Variants in MRTFA observed in about 807,000 individuals in gnomAD.
The protein encoded by MRTFA is myocardin related transcription factor A, also known as myocardin-related transcription factor A.
MRTFA carries 20 observed loss-of-function variants against 83.5 expected under a neutral mutation model. The observed-to-expected ratio is 0.24, with a 90% CI of 0.17 to 0.35. The LOEUF is 0.35. MRTFA is among the 10% of genes least tolerant of loss of function. The pLI is 1.00. For synonymous variants in MRTFA, 659 were observed against 541.2 expected, an observed-to-expected ratio of 1.22 and a Z score of -3.02; for missense variants, 1,200 against 1,224.7, an observed-to-expected ratio of 0.98 and a Z score of 0.30.
chr22:40,521,403 T>G (rs1371521804), intron 3 of MRTFA, among the ~76,000 whole-genome samples: 2 of 152,182 alleles, frequency 1.3e-5, no homozygotes, highest in African/African-American at 2.4e-5. Context: ...CTCAGAGTAA[T>G]TCTCAAGAGT....
intron 3 of MRTFA, among the ~76,000 whole-genome samples, chr22:40,496,687 AG>A (rs2054360892): frequency 6.8e-6 from 1 of 146,676 alleles, no homozygotes; most frequent in East Asian, 2.1e-4. Flanking sequence ...ATATATGCAC[AG>A]GAGAGAGTAG....
chr22:40,571,020 T>C (rs1367777221), intron 2 of MRTFA, among the ~76,000 whole-genome samples: 1 of 88,368 alleles, frequency 1.1e-5, no homozygotes, highest in African/African-American at 4.5e-5. Context: ...TGAATCCCTG[T>C]CTCTACAAAA....
At chr22:40,466,195 A>G (rs1383275669) in intron 3 of MRTFA, among the ~76,000 whole-genome samples, 1 of 152,206 alleles carries the variant, frequency 6.6e-6, no homozygotes, top group Non-Finnish European at 1.5e-5. Flanking sequence ...TGATTTCAGA[A>G]AAAAATTATA....
intron 2 of MRTFA, among the ~76,000 whole-genome samples, chr22:40,579,817 G>A (rs933591967): frequency 2.0e-5 from 3 of 149,122 alleles, no homozygotes; most frequent in Admixed American, 6.7e-5. Context: ...CCAAGACGGC[G>A]CCATTGCACT....
chr22:40,476,438 G>A (rs894655379), intron 3 of MRTFA, among the ~76,000 whole-genome samples: 1 of 152,040 alleles, frequency 6.6e-6, no homozygotes, highest in Non-Finnish European at 1.5e-5. Flanking sequence ...TACATATAAT[G>A]TTATTTCTAA....
intron 2 of MRTFA, among the ~76,000 whole-genome samples, chr22:40,590,276 G>A (rs1171370450): frequency 6.6e-6 from 1 of 152,132 alleles, no homozygotes; most frequent in Non-Finnish European, 1.5e-5. Context: ...GGAAAAGACA[G>A]TTTACAATGG....
At chr22:40,604,382 G>A (rs1240261431) in intron 1 of MRTFA, among the ~76,000 whole-genome samples, 7 of 151,536 alleles carry the variant, frequency 4.6e-5, no homozygotes, top group South Asian at 4.2e-4. Flanking sequence ...CGCCCGCCTC[G>A]GCCTCCCAAA....
chr22:40,544,418 G>A (rs1406071803), intron 3 of MRTFA, among the ~76,000 whole-genome samples: 1 of 152,000 alleles, frequency 6.6e-6, no homozygotes, highest in African/African-American at 2.4e-5. Flanking sequence ...TGAGAGAGGG[G>A]GTCTTGCTAT....
At chr22:40,510,780 TG>T (rs2043177231) in intron 3 of MRTFA, among the ~76,000 whole-genome samples, 1 of 152,026 alleles carries the variant, frequency 6.6e-6, no homozygotes, top group Non-Finnish European at 1.5e-5. Flanking sequence ...CCGAAGTTTC[TG>T]GGGGAATCAA....
At position 40,463,282 on chromosome 22, in the gene MRTFA, T is replaced by C. The variant is rs1177803332; in HGVS notation, c.246A>G (p.Leu82=). 6.2e-7 allele frequency: 1 copy of C among 1,613,680 alleles called. No individual in the cohort carries two copies. The highest frequency in any genetic ancestry group is 8.5e-7 in the Non-Finnish European group (1 of 1,179,770). ...TCCGGCGCTGCTGGAGTTTCAACTG[T>C]AGCACTGCAGGGCAGCAGAGAGAGA... The change falls in exon 4 of 15, where the codon CTA becomes CTG. Residue 82 remains leucine, a synonymous_variant. Coordinates refer to ENST00000355630, the MANE Select transcript of MRTFA (RefSeq NM_020831.6).
At chr22:40,623,607 C>A (rs1006175473) in intron 1 of MRTFA, among the ~76,000 whole-genome samples, 2 of 151,986 alleles carry the variant, frequency 1.3e-5, no homozygotes, top group African/African-American at 4.8e-5. Context: ...GAGAATAGGG[C>A]AGAGAAAAGA....
intron 12 of MRTFA, 90 bp from the exon 13 acceptor site, chr22:40,417,583 G>C: frequency 1.3e-6 from 1 of 786,126 alleles, no homozygotes; most frequent in Admixed American, 2.6e-5. Context: ...GATAGGGCCA[G>C]GGCCTCTCAC....
intron 4 of MRTFA, among the ~76,000 whole-genome samples, chr22:40,439,560 G>C (rs1397231048): frequency 6.6e-6 from 1 of 151,396 alleles, no homozygotes; most frequent in African/African-American, 2.4e-5. Flanking sequence ...TGTTGGGTAG[G>C]GGGACAAGGT....
chr22:40,541,385 A>G (rs2147295611), intron 3 of MRTFA, among the ~76,000 whole-genome samples: 1 of 152,348 alleles, frequency 6.6e-6, no homozygotes, highest in East Asian at 1.9e-4. Flanking sequence ...ATTGAGGCTC[A>G]GCTGTACAAA....
intron 1 of MRTFA, among the ~76,000 whole-genome samples, chr22:40,606,767 G>C (rs1440331325): frequency 1.3e-5 from 2 of 152,134 alleles, no homozygotes; most frequent in African/African-American, 2.4e-5. Flanking sequence ...AAGCTCTGAA[G>C]ACATAAGGGA....
At chr22:40,624,189 C>T (rs542858297) in intron 1 of MRTFA, among the ~76,000 whole-genome samples, 13 of 152,054 alleles carry the variant, frequency 8.5e-5, no homozygotes, top group African/African-American at 3.1e-4. Flanking sequence ...TTTGGGAGGC[C>T]GAGGTGGGTA....
rs1176849617 is a variant in MRTFA at position 40,410,788 on chromosome 22, A to AAAAT, written c.*598_*601dup. 1 of 230,120 alleles carries AAAAT rather than the reference A, an allele frequency of 4.3e-6. No individual in the cohort carries two copies. Among genetic ancestry groups the AAAAT allele is most frequent in the Non-Finnish European group, 8.5e-6 (1 of 117,868 alleles). 14.3% of individuals were successfully genotyped at this position (230,120 alleles called of 1,614,324 possible). A position where few individuals can be genotyped will look rare whatever the true frequency, so the allele number is the denominator to read the frequency against. On this transcript the variant is annotated 3_prime_UTR_variant, in exon 15 of 15. Transcript: ENST00000355630. ...CCCATCTCCTGTCCGCCCCCCCCCAAAAATATATATGTATGTCGATATATA... is the reference window on the plus strand; with the variant it reads ...CCCATCTCCTGTCCGCCCCCCCCCAAAAATAAATATATATGTATGTCGATATATA...
At position 40,597,761 on chromosome 22, in the gene MRTFA, C is replaced by A. The variant is rs74808933; in HGVS notation, c.-83-3026G>T. ...AAATGTGTAGGGTAAGCGAGAGCCT[C>A]ACTGAAAATCAGTCACCCAAGGCAA... On this transcript the variant is annotated intron_variant, in intron 1 of 14. Coordinates refer to ENST00000355630, the MANE Select transcript of MRTFA (RefSeq NM_020831.6). Among the ~76,000 whole-genome samples the A allele has an allele frequency of 7.5e-3, 1,140 of 152,334 alleles. 14 individuals are homozygous for A. Among genetic ancestry groups the A allele is most frequent in the African/African-American group, 0.026 (1,097 of 41,572 alleles).
intron 1 of MRTFA, among the ~76,000 whole-genome samples, chr22:40,606,953 G>T (rs1190068696): frequency 6.6e-6 from 1 of 152,054 alleles, no homozygotes; most frequent in Admixed American, 6.6e-5. Flanking sequence ...GATTTGGGGT[G>T]GTTACACTCA....
Sources: gnomAD v4.1 joint callset for allele counts (sites outside exome capture counted in the v4.1 genomes callset) on GRCh38, gnomAD v4.1.1 for gene constraint, MANE v1.5 for transcripts, NCBI Gene and HGNC (gene_info 2026-07-23, HGNC 2026-07-21) for gene names.